BIN1: variants seen among roughly 807,000 people sequenced by gnomAD.
BIN1 encodes myc box-dependent-interacting protein 1.
In BIN1, 53 loss-of-function variants were observed where a neutral mutation model predicts 82.0. The observed-to-expected ratio is 0.65, with a 90% CI of 0.52 to 0.81. BIN1 has a LOEUF of 0.81. BIN1 is among the 40% of genes least tolerant of loss of function. The probability of loss-of-function intolerance (pLI) is 0.00; values close to 1 mark genes in which losing one functional copy is unlikely to be tolerated. For synonymous variants in BIN1, 302 were observed against 328.0 expected (o/e 0.92, Z 0.86); for missense variants, 642 against 784.4 (o/e 0.82, Z 2.17).
chr2:127,081,135 G>C (rs1687244372), intron 1 of BIN1, among the ~76,000 whole-genome samples: 2 of 152,216 alleles, frequency 1.3e-5, no homozygotes, highest in South Asian at 4.1e-4. Context: ...CTGACCCACA[G>C]CGTGAGTCAT....
At chr2:127,058,892 C>A in intron 11 of BIN1, 119 bp downstream of exon 11, 1 of 1,434,414 alleles carries the variant, frequency 7.0e-7, no homozygotes, top group Non-Finnish European at 9.4e-7. Flanking sequence ...GGCAAAGCAT[C>A]GGGTCCATAG....
In BIN1 at chr2:127,082,355, G is replaced by T. The variant is rs1340929976; in HGVS notation, c.85-5649C>A. ...GGGGCCCCTGCAGGGGAGACAGAGG[G>T]CAGGATGGCCAGCTGAAGGCCTCCG... On this transcript the variant is annotated intron_variant, in intron 1 of 18. Transcript: ENST00000316724. This position sits in a 1 kb window ranked among gnomAD's most constrained non-coding sequence, Gnocchi z 6.1. 6.6e-6 allele frequency among the ~76,000 whole-genome samples: 1 copy of T among 152,188 alleles called. No homozygotes were observed. The highest frequency in any genetic ancestry group is 1.5e-5 in the Non-Finnish European group (1 of 68,018).
At chr2:127,060,474 C>G (rs897976728) in intron 10 of BIN1, 2 of 1,438,744 alleles carry the variant, frequency 1.4e-6, no homozygotes, top group Admixed American at 3.4e-5. Context: ...CCCTGCCGGG[C>G]AGCACTGCAC....
At chr2:127,071,257 T>C (rs1377712490) in intron 2 of BIN1, among the ~76,000 whole-genome samples, 1 of 152,064 alleles carries the variant, frequency 6.6e-6, no homozygotes, top group Admixed American at 6.5e-5. Flanking sequence ...GGCCCCCTGC[T>C]CCACAAGCTC....
chr2:127,057,341 T>A lies in BIN1; in HGVS notation c.1131+132A>T, dbSNP rs1452843847. On this transcript the variant is annotated intron_variant, in intron 12 of 18. Transcript: ENST00000316724. This position sits in a 1 kb window ranked among gnomAD's most constrained non-coding sequence, Gnocchi z 5.0. ...GATGATGGATGGAGGGAACAAAGGG[T>A]GAGAGAGGGAAACTGACACTCTCTC... 4 of 1,221,530 alleles carry A rather than the reference T, an allele frequency of 3.3e-6. No individual in the cohort carries two copies. Among genetic ancestry groups the A allele is most frequent in the Non-Finnish European group, 4.4e-6 (4 of 916,018 alleles). 75.7% of individuals were successfully genotyped at this position (1,221,530 alleles called of 1,614,324 possible).
chr2:127,073,378 T>C (rs1450805633), intron 2 of BIN1, among the ~76,000 whole-genome samples: 1 of 152,056 alleles, frequency 6.6e-6, no homozygotes, highest in Non-Finnish European at 1.5e-5. Context: ...GGTCCCAGAG[T>C]TCACAGAGCC....
intron 1 of BIN1, among the ~76,000 whole-genome samples, chr2:127,091,545 G>A (rs1678924469): frequency 6.6e-6 from 1 of 152,224 alleles, no homozygotes; most frequent in Admixed American, 6.5e-5. Context: ...AAGTTGGGAA[G>A]GAACCAGAAG....
Position 127,048,336 on chromosome 2 carries a change from G to T in BIN1, c.*190C>A. 1 of 603,454 alleles carries T rather than the reference G, an allele frequency of 1.7e-6. No homozygotes were observed. Among genetic ancestry groups the T allele is most frequent in the South Asian group, 1.9e-5 (1 of 51,378 alleles). 37.4% of individuals were successfully genotyped at this position (603,454 alleles called of 1,614,324 possible). On this transcript the variant is annotated 3_prime_UTR_variant, in exon 19 of 19. Coordinates refer to ENST00000316724, the MANE Select transcript of BIN1 (RefSeq NM_139343.3). The stretch of plus-strand genomic sequence containing the variant: ...TCAGGAACACTGGTGAATTCCGCCG[G>T]ACTTGCCGGGACGCGGCTCTTTGGA...
At position 127,053,947 on chromosome 2, in the gene BIN1, C is replaced by G. The variant is rs370728071; in HGVS notation, c.1197G>C (p.Pro399=). 3.9e-6 allele frequency: 6 copies of G among 1,551,624 alleles called. No individual in the cohort carries two copies. Among genetic ancestry groups the G allele is most frequent in the Non-Finnish European group, 5.2e-6 (6 of 1,147,088 alleles). The change falls in exon 13 of 19, where the codon CCG becomes CCC. Residue 399 remains proline (P), a synonymous_variant. Coordinates refer to ENST00000316724, the MANE Select transcript of BIN1 (RefSeq NM_139343.3). ...GTGCCTTCACAGGGCTCGTCACGGG[C>G]GGGAGGGGGTCAAAGTCCAGGTCCA... The part of the protein sequence containing the change: ...SLLDLDFDPL[P]PVTSPVKAPT...
Position 127,100,621 on chromosome 2 carries a change from G to A in BIN1, c.84+6239C>T, listed in dbSNP as rs115709360. Among the ~76,000 whole-genome samples, 240 of 152,342 alleles carry A rather than the reference G, an allele frequency of 1.6e-3. 1 individual carries two copies. The highest frequency in any genetic ancestry group is 5.7e-3 in the African/African-American group (235 of 41,584). On this transcript the variant is annotated intron_variant, in intron 1 of 18. Coordinates refer to ENST00000316724, the MANE Select transcript of BIN1 (RefSeq NM_139343.3). The stretch of plus-strand genomic sequence containing the variant: ...ATGCAGCCAGTATGCAGGAAACAAT[G>A]CCATTATGTTTAAGTTAATATTTGA...
At chr2:127,061,382 C>T (rs181185446) in intron 10 of BIN1, among the ~76,000 whole-genome samples, 22 of 152,310 alleles carry the variant, frequency 1.4e-4, no homozygotes, top group Admixed American at 5.9e-4. Flanking sequence ...AGCAGACAGT[C>T]GCCCTGTTTT....
In BIN1 at chr2:127,067,450, G is replaced by A. The variant is rs1008048149; in HGVS notation, c.612+713C>T. Among the ~76,000 whole-genome samples the A allele has an allele frequency of 6.6e-6, 1 of 152,152 alleles. No homozygotes were observed. The highest frequency in any genetic ancestry group is 2.4e-5 in the African/African-American group (1 of 41,428). On this transcript the variant is annotated intron_variant, in intron 7 of 18. Coordinates refer to ENST00000316724, the MANE Select transcript of BIN1 (RefSeq NM_139343.3). This position sits in a 1 kb window ranked among gnomAD's most constrained non-coding sequence, Gnocchi z 4.7. The stretch of plus-strand genomic sequence containing the variant: ...CCTCTATGGCCAGGATGGTGAGATG[G>A]CCCAGGAGTTTTGTAAAAAAGCCTC...
At chr2:127,065,280 A>G (rs1288380879) in intron 7 of BIN1, among the ~76,000 whole-genome samples, 2 of 152,162 alleles carry the variant, frequency 1.3e-5, no homozygotes, top group Non-Finnish European at 2.9e-5. Flanking sequence ...AGAATCTAAT[A>G]AAAATTTAAA....
At chr2:127,056,779 G>C (rs1331188661) in intron 12 of BIN1, among the ~76,000 whole-genome samples, 1 of 152,220 alleles carries the variant, frequency 6.6e-6, no homozygotes, top group Non-Finnish European at 1.5e-5. Context: ...GGCAAGATGC[G>C]CTTCCAGCAC....
intron 1 of BIN1, among the ~76,000 whole-genome samples, chr2:127,085,130 G>A (rs1677960711): frequency 1.3e-5 from 2 of 152,128 alleles, no homozygotes; most frequent in South Asian, 4.1e-4. Flanking sequence ...CTAGAATGAG[G>A]GTCCCAGACT....
At chr2:127,086,305 C>T (rs1446747703) in intron 1 of BIN1, among the ~76,000 whole-genome samples, 1 of 152,156 alleles carries the variant, frequency 6.6e-6, no homozygotes, top group Non-Finnish European at 1.5e-5. Flanking sequence ...GTGTCTGGAG[C>T]TTGCTGAAGA....
intron 2 of BIN1, 135 bp from the exon 3 acceptor site, chr2:127,070,951 A>G (rs1405186709): frequency 1.2e-6 from 1 of 830,714 alleles, no homozygotes. Flanking sequence ...TGACCTCCCA[A>G]CAGGACAGCA....
intron 4 of BIN1, 71 bp downstream of exon 4, chr2:127,070,482 C>A: frequency 1.9e-6 from 3 of 1,560,200 alleles, no homozygotes; most frequent in South Asian, 1.1e-5. Flanking sequence ...CCAGAGGGCA[C>A]GGCAGAGTGG....
At chr2:127,065,463 C>G (rs780336057) in intron 7 of BIN1, among the ~76,000 whole-genome samples, 10 of 152,152 alleles carry the variant, frequency 6.6e-5, no homozygotes, top group Non-Finnish European at 1.2e-4. Flanking sequence ...CATTACCTGG[C>G]AGGGGGGCTG....
Sources: allele counts gnomAD v4.1 joint callset (sites outside exome capture counted in the v4.1 genomes callset), GRCh38; gene constraint gnomAD v4.1.1; non-coding constraint Gnocchi (gnomAD v3.1); transcripts MANE v1.5; gene names NCBI Gene and HGNC (gene_info 2026-07-23, HGNC 2026-07-21).